The following ZYG11B variants were observed in gnomAD, a reference collection of about 807,000 sequenced individuals.
ZYG11B encodes protein zyg-11 homolog B.
A neutral mutation model predicts 82.4 loss-of-function variants in ZYG11B; 36 were observed. The ratio of observed to expected loss-of-function variants is 0.44; its 90% CI spans 0.33 to 0.58. The LOEUF is 0.58. ZYG11B is among the 20% of genes least tolerant of loss of function. The pLI is 0.02. For synonymous variants in ZYG11B, 303 were observed against 312.8 expected, an observed-to-expected ratio of 0.97 and a Z score of 0.33; for missense variants, 552 against 895.6, an observed-to-expected ratio of 0.62 and a Z score of 4.90.
chr1:52,772,591 G>A (rs894424402), intron 3 of ZYG11B: 34 of 1,486,316 alleles, frequency 2.3e-5, no homozygotes, highest in Admixed American at 1.0e-4. Context: ...GGGAAGCTGC[G>A]TCGATAGGGT....
chr1:52,732,905 C>G (rs969210030), intron 1 of ZYG11B, among the ~76,000 whole-genome samples: 2 of 150,826 alleles, frequency 1.3e-5, no homozygotes, highest in African/African-American at 4.9e-5. Context: ...ACCCGGGGGG[C>G]GCGGAGGTTG....
chr1:52,759,403 C>T (rs1179641228), intron 2 of ZYG11B, among the ~76,000 whole-genome samples: 2 of 152,156 alleles, frequency 1.3e-5, no homozygotes, highest in African/African-American at 4.8e-5. Context: ...GGCACTATAG[C>T]GAATGCTTTA....
At chr1:52,795,354 G>A (rs1356941737) in intron 6 of ZYG11B, among the ~76,000 whole-genome samples, 1 of 152,194 alleles carries the variant, frequency 6.6e-6, no homozygotes, top group South Asian at 2.1e-4. Context: ...CTTACAGCCT[G>A]TGGAACCATG....
intron 1 of ZYG11B, among the ~76,000 whole-genome samples, chr1:52,741,281 A>G (rs1644427536): frequency 7.0e-6 from 1 of 143,780 alleles, no homozygotes; most frequent in Non-Finnish European, 1.5e-5. Flanking sequence ...CTGGGGCAAA[A>G]GAGTGAGACT....
chr1:52,797,468 T>TATTATATATGATATATAATAA (rs1645034896), intron 8 of ZYG11B, among the ~76,000 whole-genome samples: 1 of 110,562 alleles, frequency 9.0e-6, no homozygotes, highest in East Asian at 2.6e-4. Flanking sequence ...ATGATATATA[T>TATTATATATGATATATAATAA]ATTATATATG....
chr1:52,742,978 G>T lies in ZYG11B; in HGVS notation c.31-13480G>T, dbSNP rs1406131285. 2.0e-5 allele frequency among the ~76,000 whole-genome samples: 3 copies of T among 151,806 alleles called. No individual in the cohort carries two copies. In the East Asian group the frequency reaches 5.8e-4, roughly 29 times the overall value. On this transcript the variant is annotated intron_variant, in intron 1 of 13. Transcript: ENST00000294353. ...CGGCCAGCCGCCCCGTCCGGGAGGTGGGGGGCGCCTCTGCCCGGCCGCCCC... is the reference window on the plus strand; with the variant it reads ...CGGCCAGCCGCCCCGTCCGGGAGGTTGGGGGCGCCTCTGCCCGGCCGCCCC...
intron 2 of ZYG11B, among the ~76,000 whole-genome samples, chr1:52,756,993 T>C (rs189552870): frequency 4.0e-5 from 6 of 151,548 alleles, no homozygotes; most frequent in Admixed American, 3.9e-4. Context: ...AATTTCAACA[T>C]TTTTCATTTC....
chr1:52,808,737 G>A (rs997377479), intron 10 of ZYG11B, among the ~76,000 whole-genome samples: 1 of 152,148 alleles, frequency 6.6e-6, no homozygotes, highest in Non-Finnish European at 1.5e-5. Flanking sequence ...ATTTGCACAT[G>A]TTAAGCTGCT....
At position 52,771,597 on chromosome 1, in the gene ZYG11B, A is replaced by G. The variant is rs1208503554; in HGVS notation, c.774A>G (p.Leu258=). 2 of 1,614,226 alleles carry G rather than the reference A, an allele frequency of 1.2e-6. No homozygotes were observed. The highest frequency in any genetic ancestry group is 2.2e-5 in the South Asian group (2 of 91,082). The change falls in exon 3 of 14, where the codon TTA becomes TTG. Residue 258 remains leucine, a synonymous_variant. Transcript: ENST00000294353. The surrounding 1 kb of genome is among the most constrained non-coding windows in gnomAD (Gnocchi z 5.4). ...TTACATCAGACATAGCTCTTCGCTT[A>G]CTAGAACAAAAAGACATCCTACCTA... The part of the protein sequence containing the change: ...KQFTSDIALR[L]LEQKDILPNL...
At chr1:52,797,754 C>G (rs1453663731) in intron 8 of ZYG11B, among the ~76,000 whole-genome samples, 1 of 150,624 alleles carries the variant, frequency 6.6e-6, no homozygotes, top group Non-Finnish European at 1.5e-5. Flanking sequence ...TGTGATCCGC[C>G]CACCTCGGCC....
chr1:52,812,780 G>T (rs1645194648), intron 10 of ZYG11B, among the ~76,000 whole-genome samples: 1 of 152,050 alleles, frequency 6.6e-6, no homozygotes, highest in Non-Finnish European at 1.5e-5. Flanking sequence ...AGGCTGGAGT[G>T]CAGTGGTGGG....
intron 2 of ZYG11B, among the ~76,000 whole-genome samples, chr1:52,767,056 A>T (rs917262153): frequency 6.8e-6 from 1 of 147,468 alleles, no homozygotes; most frequent in Non-Finnish European, 1.5e-5. Flanking sequence ...ATTTTATTTT[A>T]TGTTATTTTT....
Position 52,797,227 on chromosome 1 carries a change from TATATA to T in ZYG11B, c.1485+450_1485+454del, listed in dbSNP as rs1290606249. Among the ~76,000 whole-genome samples, 15 of 79,728 alleles carry T rather than the reference TATATA, an allele frequency of 1.9e-4. No homozygotes were observed. In the East Asian group the frequency reaches 2.4e-3, roughly 13 times the overall value. 52.3% of individuals were successfully genotyped at this position (79,728 alleles called of 152,430 possible). On this transcript the variant is annotated intron_variant, in intron 8 of 13. Coordinates refer to ENST00000294353, the MANE Select transcript of ZYG11B (RefSeq NM_024646.3). ...TTATATATAATATATAAATATATAT[TATATA>T]ATATAAATTTGTATATATAATATAT...
At position 52,743,402 on chromosome 1, in the gene ZYG11B, T is replaced by TAAAAAAAA. The variant is rs71044414; in HGVS notation, c.31-13041_31-13034dup. Among the ~76,000 whole-genome samples the TAAAAAAAA allele has an allele frequency of 4.2e-3, 289 of 68,918 alleles. 1 individual carries two copies. Among genetic ancestry groups the TAAAAAAAA allele is most frequent in the Non-Finnish European group, 5.2e-3 (181 of 34,904 alleles). 45.2% of individuals were successfully genotyped at this position (68,918 alleles called of 152,430 possible). ...ACACCCAAGAATGATCAATAAATAC[T>TAAAAAAAA]AAAAAAAAAAAAAAAAAAAAAAGTA... On this transcript the variant is annotated intron_variant, in intron 1 of 13. Coordinates refer to ENST00000294353, the MANE Select transcript of ZYG11B (RefSeq NM_024646.3).
chr1:52,803,502 A>G (rs1645116108), intron 10 of ZYG11B, among the ~76,000 whole-genome samples: 1 of 150,448 alleles, frequency 6.6e-6, no homozygotes, highest in Non-Finnish European at 1.5e-5. Flanking sequence ...ATATTTATAT[A>G]TAAAGATTTT....
intron 1 of ZYG11B, among the ~76,000 whole-genome samples, chr1:52,733,285 A>G (rs1169328403): frequency 6.6e-6 from 1 of 152,156 alleles, no homozygotes; most frequent in African/African-American, 2.4e-5. Flanking sequence ...TCTTAAATAG[A>G]ATGTTAGTTT....
chr1:52,781,717 C>T (rs963279171), intron 4 of ZYG11B, among the ~76,000 whole-genome samples: 4 of 152,158 alleles, frequency 2.6e-5, no homozygotes, highest in African/African-American at 9.7e-5. Flanking sequence ...GTTTTATCTT[C>T]TGTTTTACAG....
chr1:52,743,402 T>TAAAAAAAAAAAAAAAAA (rs71044414), intron 1 of ZYG11B, among the ~76,000 whole-genome samples: 1 of 69,118 alleles, frequency 1.4e-5, no homozygotes. Flanking sequence ...CAATAAATAC[T>TAAAAAAAAAAAAAAAAA]AAAAAAAAAA....
At chr1:52,738,606 CTT>C (rs11390068) in intron 1 of ZYG11B, among the ~76,000 whole-genome samples, 12 of 140,766 alleles carry the variant, frequency 8.5e-5, no homozygotes, top group African/African-American at 1.1e-4. Context: ...TTTCTAAGGA[CTT>C]TTTTTTTTTT....
Sources: gnomAD v4.1 joint callset for allele counts (sites outside exome capture counted in the v4.1 genomes callset) on GRCh38, gnomAD v4.1.1 for gene constraint, Gnocchi (gnomAD v3.1) non-coding constraint, MANE v1.5 for transcripts, NCBI Gene and HGNC (gene_info 2026-07-23, HGNC 2026-07-21) for gene names.